Variants in FGF14 observed in about 807,000 individuals in gnomAD.
The protein encoded by FGF14 is fibroblast growth factor 14.
FGF14 carries 5 observed loss-of-function variants against 25.5 expected under a neutral mutation model. The observed-to-expected ratio is 0.20, with a 90% CI of 0.10 to 0.41. The LOEUF (loss-of-function observed/expected upper bound fraction) is 0.41. Among genes scored for constraint, FGF14 ranks in the 10% least tolerant of loss-of-function variants. The probability of loss-of-function intolerance (pLI) is 1.00; values close to 1 mark genes in which losing one functional copy is unlikely to be tolerated. For missense variants in FGF14, 222 were observed against 320.1 expected (o/e 0.69, Z 2.34); for synonymous variants, 138 against 118.3 (o/e 1.17, Z -1.08).
chr13:101,862,320 G>C (rs1426976435), intron 3 of FGF14, among the ~76,000 whole-genome samples: 1 of 151,534 alleles, frequency 6.6e-6, no homozygotes, highest in Non-Finnish European at 1.5e-5. Context: ...GACTACTGCT[G>C]TTCTATTATC....
At chr13:102,041,689 A>C (rs2041751416) in intron 1 of FGF14, among the ~76,000 whole-genome samples, 1 of 152,120 alleles carries the variant, frequency 6.6e-6, no homozygotes, top group Non-Finnish European at 1.5e-5. Flanking sequence ...TTCTGTGTGC[A>C]GAACTGTCTT....
chr13:102,288,214 A>ACTACTGCAAACTGGTG (rs1269506374), intron 1 of FGF14, among the ~76,000 whole-genome samples: 3 of 152,240 alleles, frequency 2.0e-5, no homozygotes, highest in Non-Finnish European at 4.4e-5. Flanking sequence ...ATTGCCAACT[A>ACTACTGCAAACTGGTG]AAATCTACTG....
intron 1 of FGF14, among the ~76,000 whole-genome samples, chr13:102,388,322 C>T (rs144754576): frequency 6.6e-6 from 1 of 152,170 alleles, no homozygotes; most frequent in African/African-American, 2.4e-5. Context: ...ACAAAGTAGG[C>T]TCAAATTGTA....
chr13:102,352,286 CACA>C (rs1566955830), intron 1 of FGF14, among the ~76,000 whole-genome samples: 154 of 144,544 alleles, frequency 1.1e-3, no homozygotes, highest in African/African-American at 3.7e-3. Flanking sequence ...CACACACACA[CACA>C]CCTGCAACAT....
chr13:102,336,453 A>C (rs569566963), intron 1 of FGF14, among the ~76,000 whole-genome samples: 1 of 152,268 alleles, frequency 6.6e-6, no homozygotes, highest in African/African-American at 2.4e-5. Context: ...ATGGAAGCTA[A>C]AAGAGGTTGA....
intron 1 of FGF14, among the ~76,000 whole-genome samples, chr13:102,126,113 T>C (rs558695808): frequency 6.6e-6 from 1 of 152,270 alleles, no homozygotes; most frequent in East Asian, 1.9e-4. Context: ...TACAGTTCAG[T>C]GGCATTAATT....
intron 1 of FGF14, among the ~76,000 whole-genome samples, chr13:101,954,899 C>T (rs544464858): frequency 1.3e-5 from 2 of 152,324 alleles, no homozygotes; most frequent in East Asian, 3.9e-4. Context: ...GTGTCTTAGT[C>T]AGGAGGAATA....
At chr13:101,807,692 G>T (rs1039397817) in intron 3 of FGF14, among the ~76,000 whole-genome samples, 1 of 152,010 alleles carries the variant, frequency 6.6e-6, no homozygotes, top group Non-Finnish European at 1.5e-5. Flanking sequence ...AACAGGAAAG[G>T]TATACTTAAT....
chr13:101,741,587 T>C (rs561371111), intron 3 of FGF14, among the ~76,000 whole-genome samples: 2 of 151,866 alleles, frequency 1.3e-5, no homozygotes, highest in Admixed American at 6.6e-5. Context: ...ATTTACAAAT[T>C]CATCTAAACC....
chr13:102,096,001 G>GTGTGTGTGTA (rs143224591), intron 1 of FGF14, among the ~76,000 whole-genome samples: 2 of 135,054 alleles, frequency 1.5e-5, no homozygotes, highest in Non-Finnish European at 1.5e-5. Flanking sequence ...GTGTGTGTGT[G>GTGTGTGTGTA]TATATATATA....
chr13:102,253,599 C>A (rs2052301691), intron 1 of FGF14, among the ~76,000 whole-genome samples: 1 of 151,986 alleles, frequency 6.6e-6, no homozygotes, highest in Admixed American at 6.6e-5. Flanking sequence ...GCAAAAATTT[C>A]CCCCATTCTG....
At chr13:102,081,026 AC>A (rs1290448045) in intron 1 of FGF14, among the ~76,000 whole-genome samples, 1 of 152,204 alleles carries the variant, frequency 6.6e-6, no homozygotes, top group Non-Finnish European at 1.5e-5. Flanking sequence ...TTGGCCTGAA[AC>A]CTTCTTCTCA....
chr13:101,848,020 C>T (rs553864624), intron 3 of FGF14, among the ~76,000 whole-genome samples: 1 of 152,108 alleles, frequency 6.6e-6, no homozygotes, highest in South Asian at 2.1e-4. Flanking sequence ...AGGGAACTCT[C>T]ATCTTTATGA....
intron 1 of FGF14, among the ~76,000 whole-genome samples, chr13:101,953,570 G>GTGTGTGTGTGTGTGTATA (rs532696085): frequency 5.1e-5 from 7 of 138,072 alleles, no homozygotes; most frequent in African/African-American, 1.8e-4. Flanking sequence ...GTGTGTGTGT[G>GTGTGTGTGTGTGTGTATA]TATATATATA....
chr13:101,878,375 T>G (rs1594581197), intron 1 of FGF14, among the ~76,000 whole-genome samples: 1 of 152,182 alleles, frequency 6.6e-6, no homozygotes, highest in Non-Finnish European at 1.5e-5. Context: ...TTCCTGAAAC[T>G]TCAGATGACA....
chr13:102,096,129 G>A lies in FGF14; in HGVS notation c.209-220833C>T, dbSNP rs1471629917. Among the ~76,000 whole-genome samples, 4 of 151,862 alleles carry A rather than the reference G, an allele frequency of 2.6e-5. No homozygotes were observed. In the East Asian group the frequency reaches 7.7e-4, roughly 29 times the overall value. The stretch of plus-strand genomic sequence containing the variant: ...CAGTATATCAAAGAAAAGTTATTAG[G>A]TTAAAATAGAAATAATGACCTTTTA... On this transcript the variant is annotated intron_variant, in intron 1 of 4. Transcript: ENST00000376131.
intron 1 of FGF14, among the ~76,000 whole-genome samples, chr13:102,087,402 A>C (rs1454019903): frequency 9.8e-6 from 1 of 102,120 alleles, no homozygotes; most frequent in Non-Finnish European, 2.1e-5. Context: ...AATAGACTGT[A>C]ATTTCTTTTT....
At chr13:101,946,471 A>G (rs2139357228) in intron 1 of FGF14, among the ~76,000 whole-genome samples, 1 of 152,310 alleles carries the variant, frequency 6.6e-6, no homozygotes, top group East Asian at 1.9e-4. Flanking sequence ...ACAATAAGAA[A>G]ATGTATTATT....
At chr13:101,877,918 G>A (rs926626426) in intron 1 of FGF14, among the ~76,000 whole-genome samples, 3 of 151,996 alleles carry the variant, frequency 2.0e-5, no homozygotes, top group African/African-American at 4.8e-5. Flanking sequence ...TGCATCTTCC[G>A]CATCTCTCGC....
Sources: allele counts gnomAD v4.1 joint callset (sites outside exome capture counted in the v4.1 genomes callset), GRCh38; gene constraint gnomAD v4.1.1; transcripts MANE v1.5; gene names NCBI Gene and HGNC (gene_info 2026-07-23, HGNC 2026-07-21).